ZNF540: variants seen among roughly 807,000 people sequenced by gnomAD.
The protein encoded by ZNF540 is zinc finger protein 540.
Under a neutral mutation model 11.8 loss-of-function variants are expected in ZNF540, and 3 were observed. That is an observed-to-expected ratio of 0.25 (90% CI 0.12 to 0.65). The LOEUF (loss-of-function observed/expected upper bound fraction) is 0.65, where lower values mean the gene tolerates loss of function less well. ZNF540 is among the 30% of genes least tolerant of loss of function. ZNF540 has a pLI of 0.83. For missense variants in ZNF540, 709 were observed against 793.1 expected (o/e 0.89, Z 1.27); for synonymous variants, 247 against 259.0 (o/e 0.95, Z 0.45).
chr19:37,576,337 G>C (rs2043241785), intron 1 of ZNF540, among the ~76,000 whole-genome samples: 1 of 151,984 alleles, frequency 6.6e-6, no homozygotes, highest in South Asian at 2.1e-4. Flanking sequence ...GTTTGGTCCT[G>C]GCCTCTTTAT....
chr19:37,574,750 CCATCTCCTAATGAAAGTAT>C (rs2043186305), intron 1 of ZNF540, among the ~76,000 whole-genome samples: 4 of 152,134 alleles, frequency 2.6e-5, no homozygotes, highest in Non-Finnish European at 5.9e-5. Flanking sequence ...GTTTCAATAA[CCATCTCCTAATGAAAGTAT>C]TTTCTTCTCC....
In ZNF540 at chr19:37,613,635, G is replaced by A. The variant is rs1355473942; in HGVS notation, c.*372G>A. 2 of 396,266 alleles carry A rather than the reference G, an allele frequency of 5.0e-6. No homozygotes were observed. Among genetic ancestry groups the A allele is most frequent in the Admixed American group, 4.4e-5 (1 of 22,948 alleles). The allele number at this position is 396,266 out of a possible 1,614,324, so 24.5% of individuals were successfully genotyped here. A position where few individuals can be genotyped will look rare whatever the true frequency, so the allele number is the denominator to read the frequency against. On this transcript the variant is annotated 3_prime_UTR_variant, in exon 5 of 5. Transcript: ENST00000316433. ...CAGCAACAACTATCTGGCCCAAACT[G>A]CTTTGGATTAATATTGGATATTACT... is the stretch of plus-strand genomic sequence containing the variant.
chr19:37,611,334 C>T (rs947441129), intron 4 of ZNF540, 179 bp from the exon 5 acceptor site: 3 of 503,436 alleles, frequency 6.0e-6, no homozygotes, highest in East Asian at 7.1e-5. Context: ...GCTATAATCT[C>T]TCATTTTCTA....
chr19:37,611,837 A>C lies in ZNF540; in HGVS notation c.557A>C (p.Lys186Thr), dbSNP rs199916864. 141 of 1,613,908 alleles carry C rather than the reference A, an allele frequency of 8.7e-5. No homozygotes were observed. The highest frequency in any genetic ancestry group is 1.2e-4 in the Non-Finnish European group (136 of 1,179,976). The change falls in exon 5 of 5, where the codon AAA becomes ACA. Residue 186 changes from lysine to threonine, a missense_variant. Lys to Thr is a moderately conservative substitution (Grantham distance 78, BLOSUM62 -1). Coordinates refer to ENST00000316433, the MANE Select transcript of ZNF540 (RefSeq NM_001172225.3). The part of the protein sequence containing the change: ...VQHGKIDSDV[K>T]HDCKECGSTF... ...CATGGGAAAATAGATTCTGATGTGA[A>C]ACATGATTGTAAAGAATGTGGGAGT...
intron 4 of ZNF540, among the ~76,000 whole-genome samples, chr19:37,607,833 G>T (rs982878424): frequency 1.3e-5 from 2 of 152,224 alleles, no homozygotes; most frequent in Non-Finnish European, 1.5e-5. Context: ...CCAAAGAAAT[G>T]ATTGCTGAGT....
At chr19:37,568,080 G>C (rs1313188685) in intron 1 of ZNF540, among the ~76,000 whole-genome samples, 2 of 152,168 alleles carry the variant, frequency 1.3e-5, no homozygotes, top group African/African-American at 4.8e-5. Flanking sequence ...AAGAAGTTGA[G>C]AAACAAGTGT....
chr19:37,582,670 G>C (rs1242768154), intron 1 of ZNF540, among the ~76,000 whole-genome samples: 1 of 152,070 alleles, frequency 6.6e-6, no homozygotes, highest in Non-Finnish European at 1.5e-5. Flanking sequence ...CGTAACTCTT[G>C]ACTTCCTTCT....
At position 37,613,291 on chromosome 19, in the gene ZNF540, C is replaced by CT. The variant is rs1455900564; in HGVS notation, c.*29dup. 3 of 1,411,924 alleles carry CT rather than the reference C, an allele frequency of 2.1e-6. No homozygotes were observed. In the East Asian group the frequency reaches 7.0e-5, roughly 33 times the overall value. 87.5% of individuals were successfully genotyped at this position (1,411,924 alleles called of 1,614,324 possible). On this transcript the variant is annotated 3_prime_UTR_variant, in exon 5 of 5. Transcript: ENST00000316433. ...TAAGAAAAGGTTTCCATGTCATGCT[C>CT]TATTTATAGAATATCAAAATATTTA...
At chr19:37,578,732 C>T (rs553477388) in intron 1 of ZNF540, among the ~76,000 whole-genome samples, 6 of 152,142 alleles carry the variant, frequency 3.9e-5, no homozygotes, top group African/African-American at 1.4e-4. Flanking sequence ...CAGGAACCTC[C>T]CAGATAGCAG....
chr19:37,593,794 A>AG (rs761885433), upstream of ZNF540, among the ~76,000 whole-genome samples: 13 of 152,258 alleles, frequency 8.5e-5, no homozygotes, highest in Non-Finnish European at 1.8e-4. Flanking sequence ...GCTGGGGAGT[A>AG]GAGCTAAACT....
chr19:37,604,720 TCAC>T (rs1385099783), intron 4 of ZNF540, among the ~76,000 whole-genome samples: 4 of 152,282 alleles, frequency 2.6e-5, no homozygotes, highest in East Asian at 1.9e-4. Flanking sequence ...CTTGTAATCA[TCAC>T]CACTTCAGTC....
intron 1 of ZNF540, chr19:37,562,921 CTTAAA>C (rs2042734202): frequency 6.6e-6 from 1 of 152,068 alleles, no homozygotes; most frequent in Non-Finnish European, 1.5e-5. Flanking sequence ...ATTTAGGTGG[CTTAAA>C]TTAAGTTGAA....
intron 1 of ZNF540, among the ~76,000 whole-genome samples, chr19:37,562,037 A>ACAAT (rs2042722661): frequency 6.6e-6 from 1 of 152,190 alleles, no homozygotes; most frequent in South Asian, 2.1e-4. Flanking sequence ...TACACTATAT[A>ACAAT]CAATCAGTGG....
intron 4 of ZNF540, among the ~76,000 whole-genome samples, chr19:37,603,959 C>T (rs1407272191): frequency 6.6e-6 from 1 of 152,050 alleles, no homozygotes; most frequent in Non-Finnish European, 1.5e-5. Context: ...GATAGTTTTT[C>T]ATTCTTTCTT....
intron 4 of ZNF540, among the ~76,000 whole-genome samples, chr19:37,601,869 T>G (rs59426132): frequency 0.2 from 29,872 of 152,190 alleles, 3,007 homozygotes; most frequent in Middle Eastern, 0.3. Context: ...AATTTAGAGC[T>G]GAGCAGGGGC....
intron 1 of ZNF540, among the ~76,000 whole-genome samples, chr19:37,556,553 A>G (rs2042661707): frequency 6.6e-6 from 1 of 152,170 alleles, no homozygotes. Flanking sequence ...ACTTTTTAAC[A>G]AACACTAGGT....
In ZNF540 at chr19:37,559,105, C is replaced by T. The variant is rs117592960; in HGVS notation, c.-73+7440C>T. Among the ~76,000 whole-genome samples the T allele has an allele frequency of 6.8e-3, 1,029 of 152,076 alleles. 32 individuals are homozygous for T. Among genetic ancestry groups the T allele is most frequent in the East Asian group, 0.051 (263 of 5,172 alleles). Reference sequence around the variant, plus strand: ...GTGATTGCCTTGGCCTCCCAATATGCGAGGAATACAGGCATGAGCCACCAC... The same window carrying T: ...GTGATTGCCTTGGCCTCCCAATATGTGAGGAATACAGGCATGAGCCACCAC... On this transcript the variant is annotated intron_variant, in intron 1 of 4. Transcript: ENST00000592533.
Position 37,611,787 on chromosome 19 carries a change from AAGCT to A in ZNF540, c.508_511del (p.Ser170ValfsTer11). 6.2e-7 allele frequency: 1 copy of A among 1,614,010 alleles called. No individual in the cohort carries two copies. On this transcript the variant is annotated frameshift_variant, in exon 5 of 5. Coordinates refer to ENST00000316433, the MANE Select transcript of ZNF540 (RefSeq NM_001172225.3). LOFTEE classifies it low-confidence loss of function (END_TRUNC). ...ATCAGAGAATTCACAATAGTGAGAA[AAGCT>A]GTGACTCACACTTGGTTCAACATGG...
Position 37,611,776 on chromosome 19 carries a change from A to G in ZNF540, c.496A>G (p.Asn166Asp), listed in dbSNP as rs1444271022. The part of the protein sequence containing the change: ...PSFTLNQRIH[N>D]SEKSCDSHLV... ...TTTTACTCTGAATCAGAGAATTCAC[A>G]ATAGTGAGAAAAGCTGTGACTCACA... Residue 166 changes from asparagine (N) to aspartate (D), a missense_variant, in exon 5 of 5, where the codon AAT (asparagine) becomes GAT (aspartate). By Grantham distance (23) the Asn-to-Asp change is conservative. Coordinates refer to ENST00000316433, the MANE Select transcript of ZNF540 (RefSeq NM_001172225.3). The G allele has an allele frequency of 9.3e-6, 15 of 1,613,920 alleles. No individual in the cohort carries two copies. The East Asian group carries it at 2.9e-4, about 31-fold the overall frequency.
Sources: gnomAD v4.1 joint callset for allele counts (sites outside exome capture counted in the v4.1 genomes callset) on GRCh38, gnomAD v4.1.1 for gene constraint, MANE v1.5 for transcripts, NCBI Gene and HGNC (gene_info 2026-07-23, HGNC 2026-07-21) for gene names.